Variants in EIPR1 observed in about 807,000 individuals in gnomAD.
EIPR1 encodes EARP complex and GARP complex interacting protein 1.
Under a neutral mutation model 48.1 loss-of-function variants are expected in EIPR1, and 25 were observed. The observed-to-expected ratio is 0.52, with a 90% CI of 0.38 to 0.73. The LOEUF is 0.73. Ranked by LOEUF, EIPR1 falls within the 30% of genes least tolerant of loss-of-function variation. EIPR1 has a pLI of 0.00. For synonymous variants in EIPR1, 204 were observed against 201.9 expected, an observed-to-expected ratio of 1.01 and a Z score of -0.09; for missense variants, 415 against 506.2, an observed-to-expected ratio of 0.82 and a Z score of 1.73.
At chr2:3,282,610 T>A (rs912925887) in intron 3 of EIPR1, 1 of 152,230 alleles carries the variant, frequency 6.6e-6, no homozygotes, top group African/African-American at 2.4e-5. Context: ...GGGTGTGTGC[T>A]TTGATGGGCT....
At chr2:3,197,734 T>TA (rs1334019806) in intron 5 of EIPR1, among the ~76,000 whole-genome samples, 1 of 152,188 alleles carries the variant, frequency 6.6e-6, no homozygotes, top group Non-Finnish European at 1.5e-5. Flanking sequence ...GGATGACTGT[T>TA]AAAGGCAGGA....
At chr2:3,340,342 C>T (rs1670198831) in intron 2 of EIPR1, among the ~76,000 whole-genome samples, 1 of 152,206 alleles carries the variant, frequency 6.6e-6, no homozygotes. Flanking sequence ...CAGATATGGC[C>T]GGCTTGCCCG....
rs543736643 is a variant in EIPR1, at chr2:3,276,630, A to G, written c.260-19175T>C. On this transcript the variant is annotated intron_variant, in intron 3 of 8. Transcript: ENST00000382125. The stretch of plus-strand genomic sequence containing the variant: ...ATACTGTGGCCAGCTCAAGTCCACT[A>G]CCTCCATGTCAACTGGTTTTGAAAA... Among the ~76,000 whole-genome samples, 9 of 152,200 alleles carry G rather than the reference A, an allele frequency of 5.9e-5. No homozygotes were observed. The South Asian group carries it at 1.9e-3, about 32-fold the overall frequency.
At chr2:3,328,893 C>T (rs1463744505) in intron 3 of EIPR1, among the ~76,000 whole-genome samples, 9 of 142,714 alleles carry the variant, frequency 6.3e-5, no homozygotes, top group Admixed American at 2.1e-4. Flanking sequence ...CTAATGATCT[C>T]GGGGTGCCAG....
intron 3 of EIPR1, among the ~76,000 whole-genome samples, chr2:3,289,065 T>C (rs931173618): frequency 1.3e-5 from 2 of 152,260 alleles, no homozygotes; most frequent in Non-Finnish European, 2.9e-5. Flanking sequence ...GGAGTTTTAA[T>C]TGCCCATTTG....
At chr2:3,306,201 C>G (rs1248153898) in intron 3 of EIPR1, among the ~76,000 whole-genome samples, 1 of 152,240 alleles carries the variant, frequency 6.6e-6, no homozygotes, top group Non-Finnish European at 1.5e-5. Context: ...CGCCCCGCCC[C>G]TTCCCTTGGC....
At chr2:3,202,891 C>T (rs1421424927) in intron 5 of EIPR1, among the ~76,000 whole-genome samples, 2 of 152,204 alleles carry the variant, frequency 1.3e-5, no homozygotes, top group African/African-American at 4.8e-5. Flanking sequence ...ACCAATTAGC[C>T]TTGCAGCTGA....
chr2:3,223,993 T>C (rs1665980314), intron 4 of EIPR1, among the ~76,000 whole-genome samples: 1 of 152,196 alleles, frequency 6.6e-6, no homozygotes, highest in South Asian at 2.1e-4. Flanking sequence ...CTCTCTATCA[T>C]TCTCAAACTC....
intron 3 of EIPR1, among the ~76,000 whole-genome samples, chr2:3,296,957 T>C (rs950285912): frequency 6.6e-6 from 1 of 152,238 alleles, no homozygotes; most frequent in Non-Finnish European, 1.5e-5. Context: ...GGTTTCCAAT[T>C]AAGAGCTAAT....
At chr2:3,214,296 C>T in intron 4 of EIPR1, 48 bp from the exon 5 acceptor site, 1 of 1,560,546 alleles carries the variant, frequency 6.4e-7, no homozygotes, top group Non-Finnish European at 8.8e-7. Flanking sequence ...TTTGAGATAC[C>T]CAGGCTGGTA....
At chr2:3,368,373 C>T (rs1034299017) in intron 1 of EIPR1, among the ~76,000 whole-genome samples, 3 of 152,218 alleles carry the variant, frequency 2.0e-5, no homozygotes, top group African/African-American at 7.2e-5. Context: ...CACCTTCCCA[C>T]CCCGACCGTC....
chr2:3,255,737 A>G (rs1667135150), intron 4 of EIPR1, among the ~76,000 whole-genome samples: 2 of 152,140 alleles, frequency 1.3e-5, no homozygotes, highest in African/African-American at 4.8e-5. Flanking sequence ...TAACGTGACC[A>G]CTGACCTGCG....
intron 4 of EIPR1, among the ~76,000 whole-genome samples, chr2:3,234,213 G>A (rs1666327709): frequency 6.6e-6 from 1 of 152,170 alleles, no homozygotes; most frequent in African/African-American, 2.4e-5. Flanking sequence ...GTATTTTGCT[G>A]TTTTTTTTAC....
At chr2:3,247,565 T>C (rs1666871031) in intron 4 of EIPR1, among the ~76,000 whole-genome samples, 1 of 152,148 alleles carries the variant, frequency 6.6e-6, no homozygotes, top group Non-Finnish European at 1.5e-5. Context: ...AACCTCCCCT[T>C]TATCAGGGCT....
At chr2:3,268,369 A>G (rs1667556494) in intron 3 of EIPR1, among the ~76,000 whole-genome samples, 1 of 152,130 alleles carries the variant, frequency 6.6e-6, no homozygotes, top group Non-Finnish European at 1.5e-5. Flanking sequence ...TGCACTCCAG[A>G]GGGCAGCCTC....
At chr2:3,338,238 T>C (rs3811617) in intron 2 of EIPR1, 89 bp from the exon 3 acceptor site, 594,874 of 1,470,848 alleles carry the variant, frequency 0.4, 130,396 homozygotes, top group East Asian at 0.84. Context: ...AATAGTCACA[T>C]GCACATTTCG....
At chr2:3,264,906 C>G (rs1408496549) in intron 3 of EIPR1, among the ~76,000 whole-genome samples, 1 of 152,036 alleles carries the variant, frequency 6.6e-6, no homozygotes, top group African/African-American at 2.4e-5. Flanking sequence ...AGGCTGGTCT[C>G]GAACTCCTGA....
At chr2:3,289,867 G>C (rs568666335) in intron 3 of EIPR1, among the ~76,000 whole-genome samples, 2 of 152,286 alleles carry the variant, frequency 1.3e-5, no homozygotes, top group South Asian at 4.1e-4. Context: ...ACAAGATACT[G>C]GCCCCACCTT....
intron 2 of EIPR1, among the ~76,000 whole-genome samples, chr2:3,351,785 C>G (rs1292006976): frequency 1.3e-5 from 2 of 152,230 alleles, no homozygotes. Flanking sequence ...TTGCCCCCAC[C>G]TCATCCCAAT....
Sources: allele counts gnomAD v4.1 joint callset (sites outside exome capture counted in the v4.1 genomes callset), GRCh38; gene constraint gnomAD v4.1.1; transcripts MANE v1.5; gene names NCBI Gene and HGNC (gene_info 2026-07-23, HGNC 2026-07-21).